Variants in GALNT14 observed in about 807,000 individuals in gnomAD.
GALNT14 encodes the protein polypeptide N-acetylgalactosaminyltransferase 14, also known as UDP-GalNAc:polypeptide N-acetylgalactosaminyltransferase 14.
A neutral mutation model predicts 77.5 loss-of-function variants in GALNT14; 60 were observed. The ratio of observed to expected loss-of-function variants is 0.77; its 90% CI spans 0.63 to 0.96. The LOEUF is 0.96. Ranked by LOEUF, GALNT14 falls within the 40% of genes least tolerant of loss-of-function variation. GALNT14 has a pLI of 0.00. For missense variants in GALNT14, 710 were observed against 731.0 expected, an observed-to-expected ratio of 0.97 and a Z score of 0.33; for synonymous variants, 280 against 281.7, an observed-to-expected ratio of 0.99 and a Z score of 0.06.
intron 1 of GALNT14, among the ~76,000 whole-genome samples, chr2:31,096,665 C>A (rs987316955): frequency 3.3e-5 from 5 of 152,162 alleles, no homozygotes; most frequent in Admixed American, 2.6e-4. Context: ...GAAGGTAAAT[C>A]ATGTGTCCAC....
chr2:30,888,850 T>C, the GALNT14 span, among the ~76,000 whole-genome samples: 12 of 152,160 alleles, frequency 7.9e-5, no homozygotes, highest in African/African-American at 2.9e-4. Flanking sequence ...TGTGATCTAA[T>C]AAAAAGAGGC....
intron 1 of GALNT14, among the ~76,000 whole-genome samples, chr2:31,010,485 A>G (rs35671888): frequency 0.26 from 39,224 of 152,068 alleles, 5,180 homozygotes; most frequent in East Asian, 0.39. Flanking sequence ...CGGGGTGGTG[A>G]GCACCTGTAG....
chr2:30,971,606 C>T (rs537770747), intron 2 of GALNT14, among the ~76,000 whole-genome samples: 8 of 152,292 alleles, frequency 5.3e-5, no homozygotes, highest in African/African-American at 1.9e-4. Context: ...CAAGGGCTTC[C>T]TGCACTGCCA....
chr2:31,097,319 T>G (rs1573343906), intron 1 of GALNT14, among the ~76,000 whole-genome samples: 1 of 152,134 alleles, frequency 6.6e-6, no homozygotes, highest in East Asian at 1.9e-4. Flanking sequence ...CATTGCTACA[T>G]TTCATTGCCT....
In GALNT14 at chr2:30,910,983, C is replaced by G. The variant is rs200522917; in HGVS notation, c.1577G>C (p.Gly526Ala). Residue 526 changes from glycine to alanine, a missense_variant, in exon 15 of 15, where the codon GGC (glycine) becomes GCC (alanine). Gly to Ala is a moderately conservative substitution (Grantham distance 60). Transcript: ENST00000349752. ...GACGATTTCCTTGCCGTTCTCGGTG[C>G]CATCACCGAACATATCTGTATCGAG... ...LCLDTDMFGDGTENGKEIVVN... is the reference protein window; with the variant it reads ...LCLDTDMFGDATENGKEIVVN... 3 of 1,613,926 alleles carry G rather than the reference C, an allele frequency of 1.9e-6. No individual in the cohort carries two copies. Among genetic ancestry groups the G allele is most frequent in the Non-Finnish European group, 2.5e-6 (3 of 1,179,928 alleles).
intron 1 of GALNT14, among the ~76,000 whole-genome samples, chr2:31,080,761 C>A (rs1427522868): frequency 6.6e-6 from 1 of 152,132 alleles, no homozygotes; most frequent in Non-Finnish European, 1.5e-5. Flanking sequence ...TTCTATTAAA[C>A]CCTAATGTCA....
At chr2:31,114,363 C>T (rs1677993421) in intron 1 of GALNT14, among the ~76,000 whole-genome samples, 1 of 151,016 alleles carries the variant, frequency 6.6e-6, no homozygotes, top group Admixed American at 6.6e-5. Context: ...GTTGATGAAA[C>T]AGAGCTGCTA....
intron 2 of GALNT14, among the ~76,000 whole-genome samples, chr2:30,992,577 G>A (rs1669773287): frequency 6.6e-6 from 1 of 152,206 alleles, no homozygotes; most frequent in East Asian, 1.9e-4. Context: ...CTAAGGTGAG[G>A]AGCAGGTTAA....
intron 1 of GALNT14, among the ~76,000 whole-genome samples, chr2:31,048,764 T>C (rs1214037922): frequency 6.6e-6 from 1 of 152,136 alleles, no homozygotes; most frequent in Non-Finnish European, 1.5e-5. Context: ...CCTTGCTCTG[T>C]GTTGCTGTCA....
intron 1 of GALNT14, among the ~76,000 whole-genome samples, chr2:31,009,903 C>G (rs1670910976): frequency 6.6e-6 from 1 of 152,222 alleles, no homozygotes; most frequent in Non-Finnish European, 1.5e-5. Flanking sequence ...TTTCCCATCT[C>G]TACAACCATA....
intron 1 of GALNT14, among the ~76,000 whole-genome samples, chr2:31,111,963 G>A (rs1677860047): frequency 6.7e-6 from 1 of 150,320 alleles, no homozygotes. Flanking sequence ...TGATGGGGCT[G>A]GATGCCTTCT....
intron 1 of GALNT14, among the ~76,000 whole-genome samples, chr2:31,094,932 C>T (rs1328680701): frequency 6.6e-6 from 1 of 152,190 alleles, no homozygotes; most frequent in Non-Finnish European, 1.5e-5. Flanking sequence ...AGCCAGGTCA[C>T]AGCCACAAGA....
intron 1 of GALNT14, among the ~76,000 whole-genome samples, chr2:31,035,601 ACACACACACACACACC>A (rs1363417324): frequency 8.1e-5 from 4 of 49,410 alleles, no homozygotes; most frequent in Admixed American, 2.6e-4. Flanking sequence ...ATATACATAT[ACACACACACACACACC>A]TACACACACA....
Position 31,138,083 on chromosome 2 carries a change from G to A in GALNT14, c.4C>T (p.Arg2Trp), listed in dbSNP as rs766213212. 1 of 1,613,660 alleles carries A rather than the reference G, an allele frequency of 6.2e-7. No homozygotes were observed. Among genetic ancestry groups the A allele is most frequent in the Non-Finnish European group, 8.5e-7 (1 of 1,179,740 alleles). Residue 2 changes from arginine (R) to tryptophan (W), a missense_variant, in exon 1 of 15, where the codon CGG becomes TGG. Arg to Trp is a moderately radical substitution (Grantham distance 101). Transcript: ENST00000349752. ...AGAACCAGCCGACGAGTCAGGCGCC[G>A]CATGGTCCCCTTTGCCGCTTCCTCT... is the stretch of plus-strand genomic sequence containing the variant. The part of the protein sequence containing the change: M[R>W]RLTRRLVLPV...
chr2:30,926,068 C>T (rs1456833701), intron 11 of GALNT14, among the ~76,000 whole-genome samples: 1 of 152,154 alleles, frequency 6.6e-6, no homozygotes, highest in Non-Finnish European at 1.5e-5. Flanking sequence ...CCTTCCACTC[C>T]CCACCTCAAG....
chr2:30,946,410 G>C, intron 6 of GALNT14, among the ~76,000 whole-genome samples: 1 of 152,260 alleles, frequency 6.6e-6, no homozygotes, highest in Non-Finnish European at 1.5e-5. Flanking sequence ...GTGATAGCGA[G>C]TATGTTCTTC....
chr2:31,108,219 A>G (rs1677658063), intron 1 of GALNT14, among the ~76,000 whole-genome samples: 1 of 152,162 alleles, frequency 6.6e-6, no homozygotes, highest in Non-Finnish European at 1.5e-5. Context: ...CTACAGATGG[A>G]CAACATCAAA....
At chr2:31,088,746 A>G (rs183309187) in intron 1 of GALNT14, among the ~76,000 whole-genome samples, 1 of 152,332 alleles carries the variant, frequency 6.6e-6, no homozygotes, top group Admixed American at 6.5e-5. Context: ...ATGCTAGATT[A>G]TGTGTATATA....
At chr2:31,048,355 G>A (rs1225646876) in intron 1 of GALNT14, among the ~76,000 whole-genome samples, 1 of 152,170 alleles carries the variant, frequency 6.6e-6, no homozygotes, top group Non-Finnish European at 1.5e-5. Context: ...ATGCCTAAAT[G>A]TGCACCAGCC....
Sources: allele counts gnomAD v4.1 joint callset (sites outside exome capture counted in the v4.1 genomes callset), GRCh38; gene constraint gnomAD v4.1.1; transcripts MANE v1.5; gene names NCBI Gene and HGNC (gene_info 2026-07-23, HGNC 2026-07-21).